The following DPF3 variants were observed in gnomAD, a reference collection of about 807,000 sequenced individuals.
DPF3 encodes the protein double PHD fingers 3.
Under a neutral mutation model 56.8 loss-of-function variants are expected in DPF3, and 18 were observed. The ratio of observed to expected loss-of-function variants is 0.32; its 90% CI spans 0.22 to 0.47. The LOEUF is 0.47. Among genes scored for constraint, DPF3 ranks in the 20% least tolerant of loss-of-function variants. The pLI, the probability that DPF3 is intolerant of heterozygous loss-of-function variation, is 1.00. For synonymous variants in DPF3, 188 were observed against 180.2 expected, an observed-to-expected ratio of 1.04 and a Z score of -0.35; for missense variants, 403 against 488.8, an observed-to-expected ratio of 0.82 and a Z score of 1.65.
intron 1 of DPF3, among the ~76,000 whole-genome samples, chr14:72,848,376 G>A (rs1884843760): frequency 1.3e-5 from 2 of 152,094 alleles, no homozygotes; most frequent in Non-Finnish European, 2.9e-5. Flanking sequence ...TGTTGCCCAG[G>A]CTGGCCTCAA....
intron 4 of DPF3, among the ~76,000 whole-genome samples, chr14:72,727,836 A>G (rs1167327204): frequency 6.6e-6 from 1 of 152,246 alleles, no homozygotes; most frequent in East Asian, 1.9e-4. Context: ...ATGAAAAAGC[A>G]TAATCCATTC....
At chr14:72,708,838 C>G (rs1206185466) in intron 6 of DPF3, among the ~76,000 whole-genome samples, 2 of 152,218 alleles carry the variant, frequency 1.3e-5, no homozygotes, top group Non-Finnish European at 2.9e-5. Flanking sequence ...GACATCTTGC[C>G]TCCCTAGTAA....
chr14:72,731,627 C>T lies in DPF3; in HGVS notation c.429+180G>A, dbSNP rs77067750. On this transcript the variant is annotated intron_variant, in intron 4 of 10. Transcript: ENST00000556509. ...GAGGTGAAGGCAATAATGACTCCTTCGGAAGATAGGTTAAGTCAGAAAAGA... is the reference window on the plus strand; with the variant it reads ...GAGGTGAAGGCAATAATGACTCCTTTGGAAGATAGGTTAAGTCAGAAAAGA... 1,157 of 784,314 alleles carry T rather than the reference C, an allele frequency of 1.5e-3. 6 individuals carry two copies. The African/African-American group carries it at 0.018, about 12-fold the overall frequency. The allele number at this position is 784,314 out of a possible 1,614,324, so 48.6% of individuals were successfully genotyped here.
chr14:72,649,083 C>T (rs1885816687), intron 8 of DPF3, among the ~76,000 whole-genome samples: 1 of 152,168 alleles, frequency 6.6e-6, no homozygotes, highest in African/African-American at 2.4e-5. Flanking sequence ...TGTGGACTCA[C>T]TTCCCCTCAA....
intron 1 of DPF3, among the ~76,000 whole-genome samples, chr14:72,827,429 A>G (rs1883856241): frequency 6.9e-6 from 1 of 144,872 alleles, no homozygotes; most frequent in African/African-American, 2.6e-5. Flanking sequence ...TATTCTGGCC[A>G]CCTGGGTTTT....
chr14:72,694,237 G>A (rs900571049), intron 6 of DPF3, among the ~76,000 whole-genome samples: 5 of 152,200 alleles, frequency 3.3e-5, no homozygotes, highest in African/African-American at 7.2e-5. Context: ...CAGAAACCTC[G>A]AGAGTCTTCC....
At chr14:72,836,249 A>C (rs1884289086) in intron 1 of DPF3, 1 of 985,478 alleles carries the variant, frequency 1.0e-6, no homozygotes, top group African/African-American at 1.7e-5. Context: ...TTCCCTCTCC[A>C]GTGATATGCT....
At chr14:72,764,644 C>A (rs1159393791) in intron 2 of DPF3, among the ~76,000 whole-genome samples, 1 of 151,756 alleles carries the variant, frequency 6.6e-6, no homozygotes, top group East Asian at 1.9e-4. Context: ...GCCCACCACG[C>A]CCAGCTTATT....
intron 3 of DPF3, among the ~76,000 whole-genome samples, chr14:72,733,933 T>C (rs1000499718): frequency 2.0e-5 from 3 of 152,204 alleles, no homozygotes; most frequent in Admixed American, 6.5e-5. Context: ...AAACAGCATC[T>C]AAAATCTCTT....
chr14:72,808,864 A>G (rs889037313), intron 1 of DPF3, among the ~76,000 whole-genome samples: 5 of 152,184 alleles, frequency 3.3e-5, no homozygotes, highest in Non-Finnish European at 5.9e-5. Context: ...TCTAGGAGCA[A>G]TCCTACTAAT....
intron 1 of DPF3, among the ~76,000 whole-genome samples, chr14:72,810,125 C>T (rs991537911): frequency 6.6e-6 from 1 of 152,168 alleles, no homozygotes; most frequent in Non-Finnish European, 1.5e-5. Flanking sequence ...TGGAGCATTT[C>T]ATAGGGAAGA....
chr14:72,691,236 A>G (rs1887667473), intron 7 of DPF3, among the ~76,000 whole-genome samples: 1 of 152,192 alleles, frequency 6.6e-6, no homozygotes, highest in Non-Finnish European at 1.5e-5. Context: ...GGAAGTGAGC[A>G]AAAATTCAAG....
chr14:72,714,643 A>G (rs752939817), intron 5 of DPF3, 142 bp from the exon 6 acceptor site: 3 of 821,972 alleles, frequency 3.6e-6, no homozygotes, highest in Non-Finnish European at 5.7e-6. Flanking sequence ...GAGGAAACTG[A>G]GGCCCAGAGA....
intron 7 of DPF3, among the ~76,000 whole-genome samples, chr14:72,682,577 G>A (rs1291522759): frequency 6.6e-6 from 1 of 152,196 alleles, no homozygotes; most frequent in African/African-American, 2.4e-5. Flanking sequence ...TTGCCCAGCC[G>A]TGCCCTCTCA....
intron 7 of DPF3, among the ~76,000 whole-genome samples, chr14:72,683,898 C>T (rs1887283994): frequency 6.6e-6 from 1 of 152,140 alleles, no homozygotes; most frequent in African/African-American, 2.4e-5. Context: ...CTGGGCAAAC[C>T]TGGACAAGCT....
chr14:72,863,146 ATGTGTGTGTGTGTG>A (rs57171669), intron 1 of DPF3, among the ~76,000 whole-genome samples: 47,559 of 140,646 alleles, frequency 0.34, 8,584 homozygotes, highest in East Asian at 0.51. Context: ...GTATATATAT[ATGTGTGTGTGTGTG>A]TGTGTGTGTG....
chr14:72,739,964 T>C (rs768871431), intron 3 of DPF3, among the ~76,000 whole-genome samples: 1 of 151,976 alleles, frequency 6.6e-6, no homozygotes, highest in Non-Finnish European at 1.5e-5. Flanking sequence ...ATCAGTGCTT[T>C]GGAGGAAAAA....
intron 1 of DPF3, among the ~76,000 whole-genome samples, chr14:72,875,623 C>T (rs1886082207): frequency 6.6e-6 from 1 of 152,234 alleles, no homozygotes. Flanking sequence ...GTGGGTCACA[C>T]AGCAACTGCT....
chr14:72,870,814 C>A (rs1885869671), intron 1 of DPF3, among the ~76,000 whole-genome samples: 1 of 152,188 alleles, frequency 6.6e-6, no homozygotes, highest in African/African-American at 2.4e-5. Context: ...GTGGCTCATG[C>A]CTATAATCCC....
Sources: allele counts gnomAD v4.1 joint callset (sites outside exome capture counted in the v4.1 genomes callset), GRCh38; gene constraint gnomAD v4.1.1; transcripts MANE v1.5; gene names NCBI Gene and HGNC (gene_info 2026-07-23, HGNC 2026-07-21).